The following GALNT18 variants were observed in gnomAD, a reference collection of about 807,000 sequenced individuals.
GALNT18 encodes GalNAc-transferase 18.
A neutral mutation model predicts 69.5 loss-of-function variants in GALNT18; 44 were observed. That is an observed-to-expected ratio of 0.63 (90% CI 0.50 to 0.81). The LOEUF (loss-of-function observed/expected upper bound fraction) is 0.81. Ranked by LOEUF, GALNT18 falls within the 40% of genes least tolerant of loss-of-function variation. The pLI is 0.00. For missense variants in GALNT18, 715 were observed against 810.0 expected (o/e 0.88, Z 1.42); for synonymous variants, 364 against 318.2 (o/e 1.14, Z -1.53).
chr11:11,315,568 C>A lies in GALNT18; in HGVS notation c.1512+11518G>T, dbSNP rs16909413. Among the ~76,000 whole-genome samples, 2 of 152,038 alleles carry A rather than the reference C, an allele frequency of 1.3e-5. No homozygotes were observed. Among genetic ancestry groups the A allele is most frequent in the Non-Finnish European group, 2.9e-5 (2 of 67,986 alleles). On this transcript the variant is annotated intron_variant, in intron 9 of 10. Transcript: ENST00000227756. The surrounding 1 kb of genome is among the most constrained non-coding windows in gnomAD (Gnocchi z 5.6). The stretch of plus-strand genomic sequence containing the variant: ...GCCTCCGATGTCCCCTTTCTTCACC[C>A]GTGTAGAGTTTGCTCTTGGGTGAGG...
At position 11,614,478 on chromosome 11, in the gene GALNT18, A is replaced by C. The variant is rs531919970; in HGVS notation, c.235+6881T>G. ...AGAACTCATTCATTACCAGGAAGAC[A>C]GCACCAAGCCATTCATACAAACACC... On this transcript the variant is annotated intron_variant, in intron 1 of 10. Transcript: ENST00000227756. The surrounding 1 kb of genome is among the most constrained non-coding windows in gnomAD (Gnocchi z 5.6). Among the ~76,000 whole-genome samples the C allele has an allele frequency of 2.5e-4, 38 of 152,184 alleles. No individual in the cohort carries two copies. The highest frequency in any genetic ancestry group is 4.7e-4 in the Non-Finnish European group (32 of 68,034).
intron 3 of GALNT18, among the ~76,000 whole-genome samples, chr11:11,393,806 C>T (rs939485531): frequency 6.6e-6 from 1 of 152,246 alleles, no homozygotes; most frequent in Admixed American, 6.5e-5. Context: ...ATTTCAGGAA[C>T]ATACATCGTC....
At chr11:11,533,500 C>T (rs527475881) in intron 1 of GALNT18, among the ~76,000 whole-genome samples, 9 of 152,276 alleles carry the variant, frequency 5.9e-5, no homozygotes, top group Admixed American at 2.0e-4. Context: ...AGGAGTGAGG[C>T]GACGTTCGCT....
At position 11,597,820 on chromosome 11, in the gene GALNT18, C is replaced by A. The variant is rs189433600; in HGVS notation, c.235+23539G>T. ...GGACTACAGGCGCCTGCCACCACGC[C>A]CGGCTAATTTTTTGTATTTTTAGTA... On this transcript the variant is annotated intron_variant, in intron 1 of 10. Transcript: ENST00000227756. Among the ~76,000 whole-genome samples the A allele has an allele frequency of 1.8e-3, 267 of 152,080 alleles. 3 individuals are homozygous for A. In the East Asian group the frequency reaches 0.042, roughly 24 times the overall value.
At chr11:11,293,934 C>T (rs1426420700) in intron 9 of GALNT18, among the ~76,000 whole-genome samples, 2 of 150,094 alleles carry the variant, frequency 1.3e-5, no homozygotes, top group Non-Finnish European at 3.0e-5. Flanking sequence ...TAACAATTTC[C>T]ATGCACACTA....
chr11:11,326,727 C>T (rs1849926485), intron 9 of GALNT18, among the ~76,000 whole-genome samples: 1 of 152,184 alleles, frequency 6.6e-6, no homozygotes, highest in Non-Finnish European at 1.5e-5. Context: ...TTGGGAGAAC[C>T]TCCCACTCTT....
chr11:11,462,661 C>G (rs540297161), intron 1 of GALNT18, among the ~76,000 whole-genome samples: 56 of 152,214 alleles, frequency 3.7e-4, no homozygotes, highest in African/African-American at 1.3e-3. Context: ...CCCTTCATGC[C>G]CTAAAATGTC....
chr11:11,589,633 C>T (rs1268278131), intron 1 of GALNT18, among the ~76,000 whole-genome samples: 1 of 151,986 alleles, frequency 6.6e-6, no homozygotes, highest in African/African-American at 2.4e-5. Flanking sequence ...CAACAAGACT[C>T]ACAGCCTTGC....
rs182272867 is a variant in GALNT18, at chr11:11,427,485, C to T, written c.595+5136G>A. 7.2e-5 allele frequency among the ~76,000 whole-genome samples: 11 copies of T among 152,298 alleles called. No homozygotes were observed. In the East Asian group the frequency reaches 1.5e-3, roughly 21 times the overall value. On this transcript the variant is annotated intron_variant, in intron 3 of 10. Transcript: ENST00000227756. The stretch of plus-strand genomic sequence containing the variant: ...AGGAAGGCTTAGTGAGGAAGACATT[C>T]CGACGGCTCTGCTCGGCTGAGTAAT...
At position 11,283,162 on chromosome 11, in the gene GALNT18, AT is replaced by A. The variant is rs1225474089; in HGVS notation, c.1677+9866del. 3.3e-5 allele frequency among the ~76,000 whole-genome samples: 5 copies of A among 151,218 alleles called. 1 individual carries two copies. In the South Asian group the frequency reaches 1.0e-3, roughly 31 times the overall value. ...GCCACTGAACAGACTTTGGCTTTTT[AT>A]TTTTTTCTTGAGATGGAGTCTCACT... On this transcript the variant is annotated intron_variant, in intron 10 of 10. Coordinates refer to ENST00000227756, the MANE Select transcript of GALNT18 (RefSeq NM_198516.3).
At chr11:11,349,274 T>G (rs969148488) in intron 6 of GALNT18, among the ~76,000 whole-genome samples, 3 of 152,190 alleles carry the variant, frequency 2.0e-5, no homozygotes, top group African/African-American at 7.2e-5. Context: ...ATGTGTCTCC[T>G]GGTGCACGAG....
At chr11:11,580,161 C>T (rs1859041517) in intron 1 of GALNT18, among the ~76,000 whole-genome samples, 2 of 152,218 alleles carry the variant, frequency 1.3e-5, no homozygotes, top group South Asian at 4.1e-4. Flanking sequence ...ACTAACTCAC[C>T]ATTGTGACCT....
intron 10 of GALNT18, among the ~76,000 whole-genome samples, chr11:11,288,845 C>CCTAT (rs1195963142): frequency 1.3e-5 from 2 of 150,596 alleles, no homozygotes; most frequent in South Asian, 2.1e-4. Flanking sequence ...TATGCAAATG[C>CCTAT]CTATCTATCT....
Position 11,539,949 on chromosome 11 carries a change from C to G in GALNT18, c.235+81410G>C, listed in dbSNP as rs565232804. Among the ~76,000 whole-genome samples the G allele has an allele frequency of 5.5e-4, 83 of 152,174 alleles. 1 individual carries two copies. Among genetic ancestry groups the G allele is most frequent in the Non-Finnish European group, 1.6e-4 (11 of 68,030 alleles). ...TGATATACAGTTTCCAGACACAGTGCCTTGCAGGGGTAAAGGGCACCTGGA... is the reference window on the plus strand; with the variant it reads ...TGATATACAGTTTCCAGACACAGTGGCTTGCAGGGGTAAAGGGCACCTGGA... On this transcript the variant is annotated intron_variant, in intron 1 of 10. Coordinates refer to ENST00000227756, the MANE Select transcript of GALNT18 (RefSeq NM_198516.3).
chr11:11,558,287 G>A (rs1340763244), intron 1 of GALNT18, among the ~76,000 whole-genome samples: 1 of 152,200 alleles, frequency 6.6e-6, no homozygotes, highest in Non-Finnish European at 1.5e-5. Context: ...TTAAATCAAT[G>A]ACAGGTCTTG....
In GALNT18 at chr11:11,289,214, C is replaced by T. The variant is rs143550103; in HGVS notation, c.1677+3815G>A. Among the ~76,000 whole-genome samples the T allele has an allele frequency of 1.1e-4, 16 of 152,206 alleles. No homozygotes were observed. In the East Asian group the frequency reaches 3.1e-3, roughly 29 times the overall value. ...TCCAGGTCACCTGATAAATATCGAT[C>T]ATTTTGCAGTAAGCAAAACTTCCAC... On this transcript the variant is annotated intron_variant, in intron 10 of 10. Coordinates refer to ENST00000227756, the MANE Select transcript of GALNT18 (RefSeq NM_198516.3).
chr11:11,470,910 T>C lies in GALNT18; in HGVS notation c.236-21974A>G, dbSNP rs989590635. Among the ~76,000 whole-genome samples the C allele has an allele frequency of 2.6e-5, 4 of 152,168 alleles. No homozygotes were observed. Among genetic ancestry groups the C allele is most frequent in the South Asian group, 2.1e-4 (1 of 4,824 alleles). ...CTCCAGGTCCCCCTCCTAAAAACCT[T>C]TGCCTGAGAATCAAACGTCCTGCCA... On this transcript the variant is annotated intron_variant, in intron 1 of 10. Transcript: ENST00000227756. The surrounding 1 kb of genome is among the most constrained non-coding windows in gnomAD (Gnocchi z 4.8).
In GALNT18 at chr11:11,436,921, C is replaced by T. The variant is rs1303471030; in HGVS notation, c.429-4134G>A. Among the ~76,000 whole-genome samples, 1 of 152,206 alleles carries T rather than the reference C, an allele frequency of 6.6e-6. No homozygotes were observed. The highest frequency in any genetic ancestry group is 1.9e-4 in the East Asian group (1 of 5,190). ...GAGTCCAGCCACTTTCTCGGCCTGGCAACCCAGCACTGACCCAGTGGCCTT... is the reference window on the plus strand; with the variant it reads ...GAGTCCAGCCACTTTCTCGGCCTGGTAACCCAGCACTGACCCAGTGGCCTT... On this transcript the variant is annotated intron_variant, in intron 2 of 10. Transcript: ENST00000227756. This position sits in a 1 kb window ranked among gnomAD's most constrained non-coding sequence, Gnocchi z 4.5.
At position 11,540,590 on chromosome 11, in the gene GALNT18, A is replaced by G. The variant is rs1004645920; in HGVS notation, c.235+80769T>C. Reference sequence around the variant, plus strand: ...ATTAGAGCACCCTTTGACCCTGAAAACTGATCCCTGATCTTGCCTCTGCGA... The same window carrying G: ...ATTAGAGCACCCTTTGACCCTGAAAGCTGATCCCTGATCTTGCCTCTGCGA... On this transcript the variant is annotated intron_variant, in intron 1 of 10. Transcript: ENST00000227756. This position sits in a 1 kb window ranked among gnomAD's most constrained non-coding sequence, Gnocchi z 4.6. Among the ~76,000 whole-genome samples, 2 of 152,078 alleles carry G rather than the reference A, an allele frequency of 1.3e-5. No individual in the cohort carries two copies. The highest frequency in any genetic ancestry group is 2.9e-5 in the Non-Finnish European group (2 of 68,024).
Sources: gnomAD v4.1 joint callset for allele counts (sites outside exome capture counted in the v4.1 genomes callset) on GRCh38, gnomAD v4.1.1 for gene constraint, Gnocchi (gnomAD v3.1) non-coding constraint, MANE v1.5 for transcripts, NCBI Gene and HGNC (gene_info 2026-07-23, HGNC 2026-07-21) for gene names.